The following JAKMIP3 variants were observed in gnomAD, a reference collection of about 807,000 sequenced individuals.
The protein encoded by JAKMIP3 is janus kinase and microtubule-interacting protein 3.
In JAKMIP3, 58 loss-of-function variants were observed where a neutral mutation model predicts 118.5. The ratio of observed to expected loss-of-function variants is 0.49; its 90% CI spans 0.40 to 0.61. The LOEUF (loss-of-function observed/expected upper bound fraction) is 0.61, where lower values mean the gene tolerates loss of function less well. Among genes scored for constraint, JAKMIP3 ranks in the 20% least tolerant of loss-of-function variants. JAKMIP3 has a pLI of 0.00. For synonymous variants in JAKMIP3, 486 were observed against 451.2 expected (o/e 1.08, Z -0.98); for missense variants, 950 against 1,109.0 (o/e 0.86, Z 2.04).
chr10:132,075,987 G>GT (rs1215526076), intron 1 of JAKMIP3, among the ~76,000 whole-genome samples: 2 of 151,872 alleles, frequency 1.3e-5, no homozygotes, highest in African/African-American at 2.4e-5. Context: ...CTCGTTTTTT[G>GT]TTTTTTTGGT....
At chr10:132,053,645 T>TCGCTTGC (rs2038155083) in intron 1 of JAKMIP3, among the ~76,000 whole-genome samples, 1 of 152,344 alleles carries the variant, frequency 6.6e-6, no homozygotes, top group Admixed American at 6.5e-5. Context: ...TGACCTCACC[T>TCGCTTGC]CGCTTGCCAT....
At chr10:132,055,779 C>T (rs2038221574) in intron 1 of JAKMIP3, among the ~76,000 whole-genome samples, 1 of 152,228 alleles carries the variant, frequency 6.6e-6, no homozygotes, top group Non-Finnish European at 1.5e-5. Flanking sequence ...CTTGCCTCCC[C>T]CGGGGTTTGT....
chr10:132,152,370 A>T (rs2056367769), intron 16 of JAKMIP3, among the ~76,000 whole-genome samples: 1 of 152,234 alleles, frequency 6.6e-6, no homozygotes, highest in Admixed American at 6.5e-5. Flanking sequence ...TGCAGGCTGC[A>T]GCAGAGTCTG....
intron 23 of JAKMIP3, among the ~76,000 whole-genome samples, chr10:132,174,219 C>G (rs1342338514): frequency 6.8e-6 from 1 of 148,070 alleles, no homozygotes; most frequent in Non-Finnish European, 1.5e-5. Context: ...CCTCCTGCTG[C>G]CTGTGCAGTG....
At chr10:132,108,082 A>G (rs574749638) in intron 2 of JAKMIP3, among the ~76,000 whole-genome samples, 1 of 152,322 alleles carries the variant, frequency 6.6e-6, no homozygotes, top group South Asian at 2.1e-4. Flanking sequence ...GTTCAAGATC[A>G]TGGCTCGGCG....
At chr10:132,110,368 G>A (rs2046675080) in intron 2 of JAKMIP3, among the ~76,000 whole-genome samples, 1 of 152,270 alleles carries the variant, frequency 6.6e-6, no homozygotes, top group Admixed American at 6.5e-5. Context: ...GGATCCCAAC[G>A]TGGGGCCCAC....
At chr10:132,166,898 C>T (rs1439123613) in intron 21 of JAKMIP3, 85 bp from the exon 22 acceptor site, 15 of 925,580 alleles carry the variant, frequency 1.6e-5, no homozygotes, top group African/African-American at 1.2e-4. Context: ...AGTCTGTAAT[C>T]GCGTGTATTT....
intron 14 of JAKMIP3, among the ~76,000 whole-genome samples, chr10:132,148,390 G>A (rs538487657): frequency 1.1e-4 from 16 of 152,294 alleles, no homozygotes; most frequent in African/African-American, 2.6e-4. Flanking sequence ...AAAGCACGAC[G>A]GGTGACAGTG....
chr10:132,148,938 G>A (rs973375054), intron 14 of JAKMIP3, among the ~76,000 whole-genome samples: 3 of 152,206 alleles, frequency 2.0e-5, no homozygotes, highest in Admixed American at 6.5e-5. Context: ...GTCCACTGCC[G>A]GAGGACAGGG....
At chr10:132,036,643 C>T (rs1017078011), upstream of JAKMIP3, among the ~76,000 whole-genome samples, 1 of 150,770 alleles carries the variant, frequency 6.6e-6, no homozygotes, top group African/African-American at 2.4e-5. Context: ...GGGGCTCCTG[C>T]CCGCGGTGAC....
In JAKMIP3 at chr10:132,058,009, G is replaced by A. The variant is rs148472455; in HGVS notation, c.-138+21271G>A. On this transcript the variant is annotated intron_variant, in intron 1 of 23. Coordinates refer to the JAKMIP3 transcript ENST00000657785. ...TGGGGCTGGACGGGGCCAGATCCTC[G>A]GCCCCTGACGACTCAAGTCCAAGTG... Among the ~76,000 whole-genome samples the A allele has an allele frequency of 9.1e-4, 139 of 152,300 alleles. 1 individual carries two copies. Among genetic ancestry groups the A allele is most frequent in the Non-Finnish European group, 8.5e-4 (58 of 68,024 alleles).
intron 1 of JAKMIP3, among the ~76,000 whole-genome samples, chr10:132,081,314 A>C (rs997690791): frequency 6.6e-6 from 1 of 152,192 alleles, no homozygotes. Flanking sequence ...GTTTGCTTCT[A>C]TAAGATTATT....
chr10:132,146,722 A>G (rs1353396903), intron 13 of JAKMIP3, among the ~76,000 whole-genome samples: 2 of 152,186 alleles, frequency 1.3e-5, no homozygotes, highest in East Asian at 3.9e-4. Flanking sequence ...CTGCCAGCCC[A>G]GGGCTGGTCG....
At chr10:132,053,809 C>T (rs1256510371) in intron 1 of JAKMIP3, among the ~76,000 whole-genome samples, 4 of 151,710 alleles carry the variant, frequency 2.6e-5, no homozygotes, top group African/African-American at 4.8e-5. Flanking sequence ...CCGAGGCGGG[C>T]AGATCACGAG....
chr10:132,102,450 C>T (rs541741773), intron 1 of JAKMIP3, among the ~76,000 whole-genome samples: 58 of 152,250 alleles, frequency 3.8e-4, no homozygotes, highest in African/African-American at 1.3e-3. Context: ...GCCATCTGCC[C>T]GAGCCTGGTC....
chr10:132,054,314 C>T (rs2038178779), intron 1 of JAKMIP3, among the ~76,000 whole-genome samples: 1 of 151,902 alleles, frequency 6.6e-6, no homozygotes, highest in Admixed American at 6.6e-5. Flanking sequence ...CTTTTTTTCC[C>T]CAATAACTTC....
In JAKMIP3 at chr10:132,104,778, C is replaced by T; in HGVS notation, c.-31C>T. On this transcript the variant is annotated 5_prime_UTR_variant, in exon 2 of 24. Coordinates refer to ENST00000684848, the MANE Select transcript of JAKMIP3 (RefSeq NM_001323087.2). ...CCAGCCCAGCCGGAGCACCCTACCC[C>T]TGGGCATCCCCCTGGCCATCCAGCC... 6.5e-7 allele frequency: 1 copy of T among 1,545,196 alleles called. No homozygotes were observed. Among genetic ancestry groups the T allele is most frequent in the East Asian group, 2.5e-5 (1 of 40,792 alleles).
rs529833433 is a variant in JAKMIP3, at chr10:132,181,136, C to T, written c.*1104-1221C>T. ...TGGATGGGGCAGAAAGTCTCCTGTT[C>T]TGGAAATAGGGCAGTGAGTGGAGTG... On this transcript the variant is annotated intron_variant, in intron 23 of 23. Transcript: ENST00000684848. The T allele has an allele frequency of 5.9e-5, 9 of 152,338 alleles. No individual in the cohort carries two copies. In the East Asian group the frequency reaches 1.7e-3, roughly 29 times the overall value. 9.4% of individuals were successfully genotyped at this position (152,338 alleles called of 1,614,324 possible).
intron 23 of JAKMIP3, among the ~76,000 whole-genome samples, chr10:132,178,387 G>A (rs2060387141): frequency 6.6e-6 from 1 of 152,252 alleles, no homozygotes; most frequent in Non-Finnish European, 1.5e-5. Context: ...CACAGCCTGT[G>A]TCTGGGTAAG....
Sources: gnomAD v4.1 joint callset for allele counts (sites outside exome capture counted in the v4.1 genomes callset) on GRCh38, gnomAD v4.1.1 for gene constraint, MANE v1.5 for transcripts, NCBI Gene and HGNC (gene_info 2026-07-23, HGNC 2026-07-21) for gene names.